The following PDE1C variants were observed in gnomAD, a reference collection of about 807,000 sequenced individuals.
PDE1C encodes dual specificity calcium/calmodulin-dependent 3',5'-cyclic nucleotide phosphodiesterase 1C.
A neutral mutation model predicts 93.1 loss-of-function variants in PDE1C; 62 were observed. The ratio of observed to expected loss-of-function variants is 0.67; its 90% CI spans 0.54 to 0.82. PDE1C has a LOEUF of 0.82. PDE1C is among the 40% of genes least tolerant of loss of function. The probability of loss-of-function intolerance (pLI) is 0.00; values close to 1 mark genes in which losing one functional copy is unlikely to be tolerated. For synonymous variants in PDE1C, 325 were observed against 310.1 expected, an observed-to-expected ratio of 1.05 and a Z score of -0.50; for missense variants, 742 against 884.6, an observed-to-expected ratio of 0.84 and a Z score of 2.04.
chr7:31,727,217 T>C, the PDE1C span, among the ~76,000 whole-genome samples: 3 of 152,214 alleles, frequency 2.0e-5, no homozygotes, highest in Non-Finnish European at 4.4e-5. Flanking sequence ...CAGTTCTCTG[T>C]GGTGCCCATT....
intron 1 of PDE1C, among the ~76,000 whole-genome samples, chr7:32,273,884 A>G (rs1811125396): frequency 6.6e-6 from 1 of 152,176 alleles, no homozygotes; most frequent in Admixed American, 6.6e-5. Context: ...TTGTTCCCCT[A>G]CCTTGTTGGG....
chr7:32,307,584 T>C (rs1047621401), intron 1 of PDE1C, among the ~76,000 whole-genome samples: 4 of 149,726 alleles, frequency 2.7e-5, no homozygotes, highest in African/African-American at 9.9e-5. Context: ...ACCACCAACT[T>C]ACTAGATGGA....
chr7:31,793,365 C>G (rs911750488), intron 16 of PDE1C, among the ~76,000 whole-genome samples: 2 of 152,108 alleles, frequency 1.3e-5, no homozygotes, highest in Admixed American at 1.3e-4. Context: ...AAATGCATTT[C>G]TCTTCCATTT....
intron 2 of PDE1C, among the ~76,000 whole-genome samples, chr7:31,957,882 C>T (rs1808366494): frequency 6.6e-6 from 1 of 152,026 alleles, no homozygotes; most frequent in Non-Finnish European, 1.5e-5. Flanking sequence ...TAACAAGTTA[C>T]CATCCAAAGG....
chr7:32,249,474 G>A (rs1809205872), intron 1 of PDE1C, among the ~76,000 whole-genome samples: 3 of 152,066 alleles, frequency 2.0e-5, no homozygotes, highest in African/African-American at 4.8e-5. Flanking sequence ...ATGGGACACT[G>A]AGGGAGGAGA....
the PDE1C span, chr7:31,652,696 T>C: frequency 6.2e-7 from 1 of 1,613,992 alleles, no homozygotes; most frequent in Non-Finnish European, 8.5e-7. Context: ...GGGACCCAGT[T>C]GGCTGCCTTC....
At chr7:31,868,658 G>A (rs930397552) in intron 6 of PDE1C, among the ~76,000 whole-genome samples, 3 of 152,064 alleles carry the variant, frequency 2.0e-5, no homozygotes, top group East Asian at 1.9e-4. Context: ...ATTCCCAAAC[G>A]TAGCAATAGA....
intron 5 of PDE1C, 22 bp downstream of exon 5, chr7:31,877,948 A>G (rs1206130135): frequency 4.5e-6 from 7 of 1,561,976 alleles, no homozygotes; most frequent in Non-Finnish European, 6.2e-6. Flanking sequence ...TGTACATTGT[A>G]AAATCTTTTC....
chr7:32,206,190 G>C (rs1036544121), intron 2 of PDE1C, among the ~76,000 whole-genome samples: 3 of 152,138 alleles, frequency 2.0e-5, no homozygotes, highest in Non-Finnish European at 2.9e-5. Flanking sequence ...CTAGCATGTA[G>C]GAGACCTTTG....
intron 2 of PDE1C, among the ~76,000 whole-genome samples, chr7:32,001,642 C>T (rs1392960994): frequency 6.6e-6 from 1 of 152,112 alleles, no homozygotes; most frequent in Non-Finnish European, 1.5e-5. Flanking sequence ...GGAGTAAATG[C>T]ATCCTTATCT....
At chr7:32,295,766 C>T (rs1253234943) in intron 1 of PDE1C, among the ~76,000 whole-genome samples, 2 of 151,918 alleles carry the variant, frequency 1.3e-5, no homozygotes, top group South Asian at 2.1e-4. Flanking sequence ...TGTTGGCGGG[C>T]GCCTGTAGTC....
At chr7:31,730,556 C>T in the PDE1C span, among the ~76,000 whole-genome samples, 3 of 152,186 alleles carry the variant, frequency 2.0e-5, no homozygotes, top group African/African-American at 7.2e-5. Flanking sequence ...AAAAGCAGGC[C>T]TCCAGGTTAA....
intron 2 of PDE1C, among the ~76,000 whole-genome samples, chr7:31,974,864 A>C (rs1811443467): frequency 1.3e-5 from 2 of 152,256 alleles, no homozygotes. Context: ...AGAGGTATAC[A>C]GTTCTCACAG....
chr7:31,895,641 C>T (rs140386383), intron 2 of PDE1C, among the ~76,000 whole-genome samples: 289 of 148,486 alleles, frequency 1.9e-3, no homozygotes, highest in Non-Finnish European at 3.3e-3. Flanking sequence ...TGGCTGTGTC[C>T]CCACCCAATC....
intron 1 of PDE1C, among the ~76,000 whole-genome samples, chr7:32,403,156 A>G (rs933832852): frequency 6.6e-6 from 1 of 152,014 alleles, no homozygotes; most frequent in Admixed American, 6.6e-5. Context: ...TCAGTTCTCC[A>G]TGGAGGACAG....
chr7:32,240,875 CA>C (rs144945180), intron 1 of PDE1C, among the ~76,000 whole-genome samples: 2,660 of 152,148 alleles, frequency 0.017, 86 homozygotes, highest in African/African-American at 0.061. Context: ...GCGATTTGGT[CA>C]AAAAGGAGAG....
intron 3 of PDE1C, among the ~76,000 whole-genome samples, chr7:32,090,144 A>C (rs549474641): frequency 7.9e-5 from 12 of 152,136 alleles, no homozygotes; most frequent in Non-Finnish European, 1.2e-4. Flanking sequence ...TAATGCATGG[A>C]GCTAAGTGAG....
chr7:31,811,843 G>A (rs958391969), intron 15 of PDE1C, among the ~76,000 whole-genome samples: 5 of 152,074 alleles, frequency 3.3e-5, no homozygotes, highest in African/African-American at 1.2e-4. Context: ...AGAAGATCCT[G>A]TCACTGCCAG....
intron 1 of PDE1C, among the ~76,000 whole-genome samples, chr7:32,227,127 G>A (rs1005538543): frequency 3.9e-5 from 6 of 152,202 alleles, no homozygotes; most frequent in Non-Finnish European, 7.3e-5. Flanking sequence ...GTGTGCTCAA[G>A]TCTGGGCTAC....
Sources: allele counts gnomAD v4.1 joint callset (sites outside exome capture counted in the v4.1 genomes callset), GRCh38; gene constraint gnomAD v4.1.1; transcripts MANE v1.5; gene names NCBI Gene and HGNC (gene_info 2026-07-23, HGNC 2026-07-21).